The following SLC26A5 variants were observed in gnomAD, a reference collection of about 807,000 sequenced individuals.
SLC26A5 encodes the protein solute carrier family 26 member 5.
Under a neutral mutation model 81.0 loss-of-function variants are expected in SLC26A5, and 51 were observed. The observed-to-expected ratio is 0.63, with a 90% CI of 0.50 to 0.80. The LOEUF (loss-of-function observed/expected upper bound fraction) is 0.80, where lower values mean the gene tolerates loss of function less well. SLC26A5 is among the 30% of genes least tolerant of loss of function. The pLI is 0.00. For missense variants in SLC26A5, 771 were observed against 905.8 expected (o/e 0.85, Z 1.91); for synonymous variants, 325 against 332.8 (o/e 0.98, Z 0.25).
chr7:103,391,780 C>T (rs1467385873), intron 10 of SLC26A5, 45 bp from the exon 11 acceptor site: 1 of 1,516,470 alleles, frequency 6.6e-7, no homozygotes, highest in East Asian at 2.3e-5. Flanking sequence ...GGTCATTCTT[C>T]AGGAAAAAAA....
rs1563541560 is a variant in SLC26A5 at position 103,397,929 on chromosome 7, T to G, written c.971+3A>C. The G allele has an allele frequency of 6.2e-7, 1 of 1,611,928 alleles. No homozygotes were observed. The highest frequency in any genetic ancestry group is 8.5e-7 in the Non-Finnish European group (1 of 1,178,004). On this transcript the variant is annotated splice_donor_region_variant and intron_variant, in intron 9 of 19. Transcript: ENST00000306312. ...ACACAGTTACTTAAAACCACTTTCC[T>G]ACCCTAGAGGAAGTGTTCCAACGAC...
intron 19 of SLC26A5, among the ~76,000 whole-genome samples, chr7:103,365,050 A>G (rs1472611989): frequency 6.7e-6 from 1 of 149,214 alleles, no homozygotes; most frequent in Non-Finnish European, 1.5e-5. Flanking sequence ...TATATTTACA[A>G]TAAGAATTAG....
Position 103,377,680 on chromosome 7 carries a change from T to C in SLC26A5, c.1905A>G (p.Pro635=), listed in dbSNP as rs151040600. The change falls in exon 18 of 20, where the codon CCA becomes CCG. Residue 635 remains proline, a synonymous_variant. Coordinates refer to ENST00000306312, the MANE Select transcript of SLC26A5 (RefSeq NM_198999.3). The part of the protein sequence containing the change: ...FPEEMQRFMP[P]GDNVHTVILD... Reference sequence around the variant, plus strand: ...AAATGACAGTGTGGACGTTATCCCCTGGGGGCATAAATCTTTGCATTTCCT... The same window carrying C: ...AAATGACAGTGTGGACGTTATCCCCCGGGGGCATAAATCTTTGCATTTCCT... 39 of 1,614,082 alleles carry C rather than the reference T, an allele frequency of 2.4e-5. No individual in the cohort carries two copies. Among genetic ancestry groups the C allele is most frequent in the Admixed American group, 3.3e-5 (2 of 60,018 alleles).
intron 8 of SLC26A5, among the ~76,000 whole-genome samples, chr7:103,404,391 T>C (rs1342881987): frequency 6.6e-6 from 1 of 152,194 alleles, no homozygotes; most frequent in Non-Finnish European, 1.5e-5. Flanking sequence ...GGTGACAAAA[T>C]CTCTCAGCAT....
At position 103,378,442 on chromosome 7, in the gene SLC26A5, T is replaced by C; in HGVS notation, c.1785+4A>G. 1 of 1,613,098 alleles carries C rather than the reference T, an allele frequency of 6.2e-7. No homozygotes were observed. Among genetic ancestry groups the C allele is most frequent in the Non-Finnish European group, 8.5e-7 (1 of 1,179,034 alleles). The stretch of plus-strand genomic sequence containing the variant: ...CGGATTATTTCAATGAAAAGACCAC[T>C]CACTGCTTTGACAACAGTTGCGTTG... On this transcript the variant is annotated splice_donor_region_variant and intron_variant, in intron 17 of 19. Coordinates refer to ENST00000306312, the MANE Select transcript of SLC26A5 (RefSeq NM_198999.3).
rs372758271 is a variant in SLC26A5, at chr7:103,410,376, C to T, written c.735+9G>A. 1.2e-6 allele frequency: 2 copies of T among 1,611,962 alleles called. No individual in the cohort carries two copies. The highest frequency in any genetic ancestry group is 2.7e-5 in the African/African-American group (2 of 74,860). ...AAAGTACCAGAACGTCAGGTAGTTTCTTACTTACATACACCACGGAAAAGA... is the reference window on the plus strand; with the variant it reads ...AAAGTACCAGAACGTCAGGTAGTTTTTTACTTACATACACCACGGAAAAGA... On this transcript the variant is annotated intron_variant, in intron 7 of 19. Coordinates refer to ENST00000306312, the MANE Select transcript of SLC26A5 (RefSeq NM_198999.3).
rs376189289 is a variant in SLC26A5 at position 103,429,472 on chromosome 7, T to C, written c.-53-7905A>G. ...ACAGGATGTGAACTTTTCTATAATG[T>C]ACACAGCAAATAGCAAAAGTCTCAT... On this transcript the variant is annotated intron_variant, in intron 2 of 19. Transcript: ENST00000306312. 2.7e-4 allele frequency among the ~76,000 whole-genome samples: 41 copies of C among 152,226 alleles called. 1 individual carries two copies. Among genetic ancestry groups the C allele is most frequent in the African/African-American group, 8.2e-4 (34 of 41,446 alleles).
chr7:103,357,459 T>A (rs1489715852), intron 19 of SLC26A5, among the ~76,000 whole-genome samples: 1 of 152,236 alleles, frequency 6.6e-6, no homozygotes, highest in East Asian at 1.9e-4. Flanking sequence ...ATGGTTCTAA[T>A]GGATATTGCT....
Position 103,380,492 on chromosome 7 carries a change from G to A in SLC26A5, c.1572C>T (p.Asp524=), listed in dbSNP as rs191358470. 3.9e-4 allele frequency: 627 copies of A among 1,613,390 alleles called. 10 individuals carry two copies. The East Asian group carries it at 7.8e-3, about 20-fold the overall frequency. Residue 524 remains aspartate, a synonymous_variant, in exon 15 of 20, where the codon GAC becomes GAT. Transcript: ENST00000306312. ...LPETDVYIDI[D]AYEEVKEIPG... is the part of the protein sequence containing the mutation. ...AAAAAGGTCCTACCTCCTCATATGCGTCTATATCAATATACACATCAGTTT... is the reference window on the plus strand; with the variant it reads ...AAAAAGGTCCTACCTCCTCATATGCATCTATATCAATATACACATCAGTTT...
intron 2 of SLC26A5, among the ~76,000 whole-genome samples, chr7:103,432,166 T>C (rs1300625404): frequency 6.6e-6 from 1 of 152,210 alleles, no homozygotes; most frequent in Non-Finnish European, 1.5e-5. Context: ...TCCACCCACT[T>C]TGGCCTTCCA....
intron 7 of SLC26A5, among the ~76,000 whole-genome samples, chr7:103,410,026 A>G (rs759534339): frequency 1.3e-4 from 20 of 152,154 alleles, no homozygotes; most frequent in Non-Finnish European, 2.9e-4. Context: ...AGTTTTTGAG[A>G]GAGAAATGTT....
downstream of SLC26A5, among the ~76,000 whole-genome samples, chr7:103,372,450 A>C (rs1311082351): frequency 1.3e-5 from 2 of 152,256 alleles, no homozygotes; most frequent in African/African-American, 4.8e-5. Flanking sequence ...AGGAACTCTT[A>C]GCAGAGGAGG....
chr7:103,421,567 A>C lies in SLC26A5; in HGVS notation c.-53T>G. 1 of 1,588,126 alleles carries C rather than the reference A, an allele frequency of 6.3e-7. No homozygotes were observed. Among genetic ancestry groups the C allele is most frequent in the Middle Eastern group, 1.7e-4 (1 of 5,994 alleles). ...CGGAGACAAGCATTTCCTGAGTGTC[A>C]CTAGGGGAAAAAAGAAAAACTCCAT... On this transcript the variant is annotated splice_region_variant and 5_prime_UTR_variant, in exon 3 of 20. Transcript: ENST00000306312.
At chr7:103,430,106 T>G (rs1825966190) in intron 2 of SLC26A5, among the ~76,000 whole-genome samples, 1 of 150,488 alleles carries the variant, frequency 6.6e-6, no homozygotes, top group South Asian at 2.1e-4. Context: ...GAAATAGAGT[T>G]TCACTCTTGT....
intron 2 of SLC26A5, among the ~76,000 whole-genome samples, chr7:103,440,511 A>C (rs1402323143): frequency 1.3e-5 from 2 of 152,238 alleles, no homozygotes; most frequent in Non-Finnish European, 1.5e-5. Context: ...TTAGAGTTGA[A>C]ATTATGACAA....
intron 2 of SLC26A5, among the ~76,000 whole-genome samples, chr7:103,436,394 A>G (rs1161672564): frequency 6.6e-6 from 1 of 152,168 alleles, no homozygotes; most frequent in African/African-American, 2.4e-5. Flanking sequence ...TGATTTTGTT[A>G]CATGCTTCAC....
chr7:103,363,756 G>A (rs1050113970), intron 19 of SLC26A5, among the ~76,000 whole-genome samples: 3 of 152,160 alleles, frequency 2.0e-5, no homozygotes, highest in African/African-American at 7.2e-5. Context: ...AAGACATCGA[G>A]AAGAAAGGGG....
intron 19 of SLC26A5, among the ~76,000 whole-genome samples, chr7:103,357,823 T>G (rs753725277): frequency 6.6e-6 from 1 of 152,222 alleles, no homozygotes; most frequent in Non-Finnish European, 1.5e-5. Flanking sequence ...ACCTCCCACT[T>G]TCTCTTGATT....
At chr7:103,436,427 C>G (rs7807829) in intron 2 of SLC26A5, among the ~76,000 whole-genome samples, 46,487 of 151,928 alleles carry the variant, frequency 0.31, 8,229 homozygotes, top group East Asian at 0.62. Flanking sequence ...GAGGCAGGTA[C>G]TATTTTCTAA....
Sources: gnomAD v4.1 joint callset for allele counts (sites outside exome capture counted in the v4.1 genomes callset) on GRCh38, gnomAD v4.1.1 for gene constraint, MANE v1.5 for transcripts, NCBI Gene and HGNC (gene_info 2026-07-23, HGNC 2026-07-21) for gene names.